Variants in SGMS2 observed in about 807,000 individuals in gnomAD.
The protein encoded by SGMS2 is sphingomyelin synthase 2.
A neutral mutation model predicts 43.8 loss-of-function variants in SGMS2; 21 were observed. That is an observed-to-expected ratio of 0.48 (90% CI 0.34 to 0.69). The LOEUF is 0.69. SGMS2 is among the 30% of genes least tolerant of loss of function. The pLI is 0.01. For synonymous variants in SGMS2, 167 were observed against 160.6 expected, an observed-to-expected ratio of 1.04 and a Z score of -0.30; for missense variants, 384 against 443.2, an observed-to-expected ratio of 0.87 and a Z score of 1.20.
chr4:107,880,720 A>G (rs1306595732), intron 2 of SGMS2, among the ~76,000 whole-genome samples: 2 of 151,808 alleles, frequency 1.3e-5, no homozygotes, highest in East Asian at 3.9e-4. Flanking sequence ...GCTGGGCATG[A>G]TGGCATGCTT....
intron 3 of SGMS2, among the ~76,000 whole-genome samples, chr4:107,899,151 T>C (rs936672730): frequency 2.0e-5 from 3 of 152,206 alleles, no homozygotes; most frequent in African/African-American, 7.2e-5. Context: ...ATTCCTCTGT[T>C]ACTGTGGCTT....
chr4:107,879,108 ATTTT>A (rs373759605), intron 2 of SGMS2, among the ~76,000 whole-genome samples: 1 of 142,292 alleles, frequency 7.0e-6, no homozygotes, highest in African/African-American at 2.6e-5. Context: ...CTACCTGGCC[ATTTT>A]TTTTTTTTTT....
At chr4:107,839,082 A>T (rs76692865) in intron 1 of SGMS2, among the ~76,000 whole-genome samples, 1 of 151,886 alleles carries the variant, frequency 6.6e-6, no homozygotes, top group Non-Finnish European at 1.5e-5. Flanking sequence ...CTTTTTTGGG[A>T]GTCATATATG....
At chr4:107,867,308 G>C (rs547595784) in intron 2 of SGMS2, 1 of 152,214 alleles carries the variant, frequency 6.6e-6, no homozygotes, top group East Asian at 1.9e-4. Context: ...AGGAGTTACC[G>C]ACCCAGCCTG....
rs758402931 is a variant in SGMS2, at chr4:107,899,625, A to G, written c.506A>G (p.Tyr169Cys). The change falls in exon 4 of 7, where the codon TAT (tyrosine) becomes TGT (cysteine). Residue 169 changes from tyrosine (Y) to cysteine (C), a missense_variant. Transcript: ENST00000690982. ...FCFIIGTLYL[Y>C]RCITMYVTTL... ...TTTATTATTGGAACTTTATACCTGT[A>G]TCGCTGCATTACAATGTATGTTACT... The G allele has an allele frequency of 6.2e-7, 1 of 1,613,258 alleles. No individual in the cohort carries two copies. Among genetic ancestry groups the G allele is most frequent in the Non-Finnish European group, 8.5e-7 (1 of 1,179,594 alleles).
chr4:107,886,364 A>ATTT (rs67228519), intron 2 of SGMS2, among the ~76,000 whole-genome samples: 17 of 106,250 alleles, frequency 1.6e-4, no homozygotes, highest in African/African-American at 2.7e-4. Flanking sequence ...CACCCAGCTA[A>ATTT]TTTTTTTTTT....
At chr4:107,849,481 G>A (rs560092495) in intron 1 of SGMS2, among the ~76,000 whole-genome samples, 49 of 152,262 alleles carry the variant, frequency 3.2e-4, no homozygotes, top group Non-Finnish European at 6.5e-4. Context: ...TAGAAAGTCA[G>A]AACAAATTTG....
At chr4:107,851,931 C>T (rs559131726) in intron 1 of SGMS2, among the ~76,000 whole-genome samples, 1 of 152,242 alleles carries the variant, frequency 6.6e-6, no homozygotes, top group South Asian at 2.1e-4. Flanking sequence ...TGGCATCTTG[C>T]TAAAAGGAAA....
intron 2 of SGMS2, among the ~76,000 whole-genome samples, chr4:107,887,561 T>C (rs1386563587): frequency 6.6e-6 from 1 of 152,214 alleles, no homozygotes; most frequent in East Asian, 1.9e-4. Context: ...GCCAAATATG[T>C]CATTTTTGGA....
At chr4:107,830,500 A>G (rs1025183324) in intron 1 of SGMS2, among the ~76,000 whole-genome samples, 9 of 152,232 alleles carry the variant, frequency 5.9e-5, no homozygotes, top group African/African-American at 2.2e-4. Flanking sequence ...CATTCCCACC[A>G]GCAGTATATA....
rs1199098083 is a variant in SGMS2, at chr4:107,914,039, A to C, written c.*3486A>C. ...TACACGTTTAAATCAAGCATATTAT[A>C]AGTTATATGCCATGTGTTGAAGGCT... On this transcript the variant is annotated 3_prime_UTR_variant, in exon 7 of 7. Transcript: ENST00000690982. 6.6e-6 allele frequency: 1 copy of C among 152,108 alleles called. No homozygotes were observed. Among genetic ancestry groups the C allele is most frequent in the African/African-American group, 2.4e-5 (1 of 41,440 alleles). The allele number at this position is 152,108 out of a possible 1,614,324, so 9.4% of individuals were successfully genotyped here.
chr4:107,865,104 G>A (rs1236830264), intron 2 of SGMS2, among the ~76,000 whole-genome samples: 2 of 152,064 alleles, frequency 1.3e-5, no homozygotes, highest in East Asian at 1.9e-4. Context: ...AATAAGCTTC[G>A]ATAGAATTCA....
intron 2 of SGMS2, among the ~76,000 whole-genome samples, chr4:107,891,029 C>CA: frequency 6.6e-6 from 1 of 152,080 alleles, no homozygotes; most frequent in African/African-American, 2.4e-5. Context: ...ACCTGGCTAG[C>CA]AAAAAGGTGG....
chr4:107,888,178 A>G (rs1560661659), intron 2 of SGMS2, among the ~76,000 whole-genome samples: 2 of 152,078 alleles, frequency 1.3e-5, no homozygotes, highest in African/African-American at 4.8e-5. Flanking sequence ...GGCATCTTCT[A>G]CCTGGCCTGA....
At chr4:107,835,191 A>C (rs1292330275) in intron 1 of SGMS2, among the ~76,000 whole-genome samples, 1 of 152,136 alleles carries the variant, frequency 6.6e-6, no homozygotes, top group Non-Finnish European at 1.5e-5. Flanking sequence ...TGTCTTAAAA[A>C]GTGGAATCAG....
intron 5 of SGMS2, among the ~76,000 whole-genome samples, chr4:107,906,449 T>A (rs1329082247): frequency 6.6e-6 from 1 of 152,202 alleles, no homozygotes; most frequent in Non-Finnish European, 1.5e-5. Flanking sequence ...GAACAGTTTT[T>A]TGGTTTTTTG....
intron 4 of SGMS2, 144 bp downstream of exon 4, chr4:107,899,836 G>A (rs536082084): frequency 4.9e-5 from 24 of 493,338 alleles, no homozygotes; most frequent in Non-Finnish European, 8.5e-5. Context: ...GATTTGAGGG[G>A]AAGAAATTAA....
intron 2 of SGMS2, among the ~76,000 whole-genome samples, chr4:107,890,026 TA>T (rs771413778): frequency 1.3e-5 from 2 of 152,104 alleles, no homozygotes; most frequent in Admixed American, 6.6e-5. Flanking sequence ...ATGGTTCACT[TA>T]AAAAAAATTT....
In SGMS2 at chr4:107,901,978, C is replaced by A. The variant is rs149192988; in HGVS notation, c.574-1255C>A. Among the ~76,000 whole-genome samples the A allele has an allele frequency of 6.1e-3, 923 of 151,762 alleles. 9 individuals carry two copies. Among genetic ancestry groups the A allele is most frequent in the African/African-American group, 0.021 (877 of 41,324 alleles). On this transcript the variant is annotated intron_variant, in intron 4 of 6. Coordinates refer to ENST00000690982, the MANE Select transcript of SGMS2 (RefSeq NM_001375905.1). ...CTAGAGTGCAATGGCGCAATCTTGGCTCACCGCAACCTCCACCTCCCAGGT... is the reference window on the plus strand; with the variant it reads ...CTAGAGTGCAATGGCGCAATCTTGGATCACCGCAACCTCCACCTCCCAGGT...
Sources: allele counts gnomAD v4.1 joint callset (sites outside exome capture counted in the v4.1 genomes callset), GRCh38; gene constraint gnomAD v4.1.1; transcripts MANE v1.5; gene names NCBI Gene and HGNC (gene_info 2026-07-23, HGNC 2026-07-21).